The following ADAM8 variants were observed in gnomAD, a reference collection of about 807,000 sequenced individuals.
ADAM8 encodes the protein disintegrin and metalloproteinase domain-containing protein 8.
In ADAM8, 104 loss-of-function variants were observed where a neutral mutation model predicts 102.4. The ratio of observed to expected loss-of-function variants is 1.02; its 90% confidence interval spans 0.87 to 1.20. The LOEUF (loss-of-function observed/expected upper bound fraction) is 1.20, where lower values mean the gene tolerates loss of function less well. ADAM8 is among the 50% of genes most tolerant of loss of function. The pLI is 0.00. For synonymous variants in ADAM8, 517 were observed against 485.2 expected, an observed-to-expected ratio of 1.07 and a Z score of -0.86; for missense variants, 1,132 against 1,159.0, an observed-to-expected ratio of 0.98 and a Z score of 0.34.
intron 6 of ADAM8, 27 bp downstream of exon 6, chr10:133,273,227 C>A: frequency 6.3e-7 from 1 of 1,595,140 alleles, no homozygotes; most frequent in Non-Finnish European, 8.5e-7. Context: ...GCAGGGCCAG[C>A]CAAACACAGG....
At chr10:133,269,640 C>A in intron 17 of ADAM8, 111 bp from the exon 18 acceptor site, 1 of 1,148,230 alleles carries the variant, frequency 8.7e-7, no homozygotes, top group South Asian at 1.6e-5. Flanking sequence ...GAGGGCCCCT[C>A]GGTCCCTGCC....
At position 133,271,601 on chromosome 10, in the gene ADAM8, T is replaced by C. The variant is rs1846528716; in HGVS notation, c.1211A>G (p.His404Arg). 1 of 1,557,654 alleles carries C rather than the reference T, an allele frequency of 6.4e-7. No homozygotes were observed. Among genetic ancestry groups the C allele is most frequent in the African/African-American group, 1.4e-5 (1 of 73,930 alleles). Reference protein sequence around the residue: ...VCLANAPDLSHLVGGPVCGNL... With the variant: ...VCLANAPDLSRLVGGPVCGNL... ...CCCACACACGGGGCCGCCCACCAGG[T>C]GGCTGAGGTCAGGGGCGTTGGCGAG... Residue 404 changes from histidine to arginine, a missense_variant, in exon 12 of 23, where the codon CAC becomes CGC. Physicochemically the swap from His to Arg is conservative, Grantham distance 29. Transcript: ENST00000445355.
In ADAM8 at chr10:133,269,617, C is replaced by T; in HGVS notation, c.1864-88G>A. The T allele has an allele frequency of 4.5e-6, 6 of 1,334,292 alleles. No homozygotes were observed. In the South Asian group the frequency reaches 8.6e-5, roughly 19 times the overall value. 82.7% of individuals were successfully genotyped at this position (1,334,292 alleles called of 1,614,324 possible). Reference sequence around the variant, plus strand: ...TGCCTCCAGCATGAGGGCCCCGGGCCAGCCCCACCCCCGAGGGCCCCTCGG... The same window carrying T: ...TGCCTCCAGCATGAGGGCCCCGGGCTAGCCCCACCCCCGAGGGCCCCTCGG... On this transcript the variant is annotated intron_variant, in intron 17 of 22. Coordinates refer to ENST00000445355, the MANE Select transcript of ADAM8 (RefSeq NM_001109.5).
intron 19 of ADAM8, 140 bp downstream of exon 19, chr10:133,268,608 G>C (rs766755295): frequency 3.1e-4 from 288 of 937,206 alleles, no homozygotes; most frequent in Non-Finnish European, 4.3e-4. Context: ...GCCCAAGCCG[G>C]GGGGCGTCAT....
chr10:133,271,394 C>T (rs1846519852), intron 12 of ADAM8, 105 bp from the exon 13 acceptor site: 2 of 1,485,444 alleles, frequency 1.3e-6, no homozygotes, highest in Admixed American at 2.1e-5. Flanking sequence ...GCAGCCACTC[C>T]CTCCCTGTGA....
chr10:133,274,335 C>T (rs1308580321), intron 2 of ADAM8, 100 bp from the exon 3 acceptor site: 17 of 1,039,426 alleles, frequency 1.6e-5, no homozygotes, highest in South Asian at 1.7e-5. Flanking sequence ...GAAGGGGTGC[C>T]GGCCTCCAGC....
intron 10 of ADAM8, 34 bp downstream of exon 10, chr10:133,272,159 T>G: frequency 1.3e-6 from 2 of 1,546,352 alleles, no homozygotes; most frequent in Non-Finnish European, 1.7e-6. Flanking sequence ...AGCTCTGGCC[T>G]CGGCCTGGCA....
Position 133,269,106 on chromosome 10 carries a change from A to T in ADAM8, c.1949-244T>A, listed in dbSNP as rs1023156011. On this transcript the variant is annotated intron_variant, in intron 18 of 22. Coordinates refer to ENST00000445355, the MANE Select transcript of ADAM8 (RefSeq NM_001109.5). Reference sequence around the variant, plus strand: ...GTGCCTTTGAGGCCTGATGCTCTGGACGACCACATGCTCAGTGGCCGCCGG... The same window carrying T: ...GTGCCTTTGAGGCCTGATGCTCTGGTCGACCACATGCTCAGTGGCCGCCGG... 9 of 985,370 alleles carry T rather than the reference A, an allele frequency of 9.1e-6. No homozygotes were observed. In the African/African-American group the frequency reaches 1.6e-4, roughly 17 times the overall value. 61.0% of individuals were successfully genotyped at this position (985,370 alleles called of 1,614,324 possible). A position where few individuals can be genotyped will look rare whatever the true frequency, so the allele number is the denominator to read the frequency against.
chr10:133,272,871 G>A lies in ADAM8; in HGVS notation c.637-5C>T. On this transcript the variant is annotated splice_region_variant and splice_polypyrimidine_tract_variant and intron_variant, in intron 7 of 22. Transcript: ENST00000445355. The stretch of plus-strand genomic sequence containing the variant: ...TTCGCTCCCCAGCATCTGGAACTGG[G>A]GACACGAGACCCTCAGGCTGGAGCC... 1 of 1,611,392 alleles carries A rather than the reference G, an allele frequency of 6.2e-7. No individual in the cohort carries two copies. The highest frequency in any genetic ancestry group is 8.5e-7 in the Non-Finnish European group (1 of 1,178,860).
At chr10:133,270,257 A>G in intron 16 of ADAM8, 103 bp downstream of exon 16, 1 of 1,435,778 alleles carries the variant, frequency 7.0e-7, no homozygotes, top group Non-Finnish European at 9.4e-7. Context: ...CTCTGTTCCC[A>G]TGGCCTCGAG....
At position 133,273,038 on chromosome 10, in the gene ADAM8, A is replaced by G; in HGVS notation, c.574-19T>C. The G allele has an allele frequency of 6.2e-7, 1 of 1,612,738 alleles. No individual in the cohort carries two copies. Among genetic ancestry groups the G allele is most frequent in the Non-Finnish European group, 8.5e-7 (1 of 1,179,840 alleles). On this transcript the variant is annotated intron_variant, in intron 6 of 22. Transcript: ENST00000445355. ...GAGAGTCCTGGGGAACAGCCACAAG[A>G]AGCCAGTCAGCCTTCCCAGCGCCGG...
intron 21 of ADAM8, among the ~76,000 whole-genome samples, chr10:133,266,922 CA>C (rs1846339514): frequency 6.6e-6 from 1 of 152,166 alleles, no homozygotes. Flanking sequence ...GCCAGGGCTC[CA>C]GTGATTCGGG....
At chr10:133,266,798 C>T (rs1846334269) in intron 21 of ADAM8, among the ~76,000 whole-genome samples, 1 of 152,168 alleles carries the variant, frequency 6.6e-6, no homozygotes, top group South Asian at 2.1e-4. Flanking sequence ...CAATGAGCTG[C>T]CCCCACGGGG....
intron 21 of ADAM8, among the ~76,000 whole-genome samples, 166 bp downstream of exon 21, chr10:133,267,186 C>T (rs1846350539): frequency 6.6e-6 from 1 of 152,226 alleles, no homozygotes; most frequent in South Asian, 2.1e-4. Context: ...CCTCGCTGAC[C>T]TGCCTTTCTG....
intron 20 of ADAM8, 121 bp downstream of exon 20, chr10:133,267,808 C>T: frequency 9.5e-7 from 1 of 1,057,522 alleles, no homozygotes; most frequent in Non-Finnish European, 1.2e-6. Flanking sequence ...CTCGGGGCCA[C>T]CGCTGGCCTG....
At chr10:133,264,671 G>A (rs1285764433) in intron 21 of ADAM8, among the ~76,000 whole-genome samples, 1 of 150,642 alleles carries the variant, frequency 6.6e-6, no homozygotes, top group Non-Finnish European at 1.5e-5. Context: ...TGCCACGCCT[G>A]TTCCTGCTGC....
chr10:133,264,552 T>G (rs1350113897), intron 21 of ADAM8, among the ~76,000 whole-genome samples: 1 of 152,230 alleles, frequency 6.6e-6, no homozygotes, highest in African/African-American at 2.4e-5. Flanking sequence ...ATTTGCAGTT[T>G]TCAGCAGCTT....
chr10:133,272,186 C>T lies in ADAM8; in HGVS notation c.957+7G>A, dbSNP rs1380475107. 5.2e-6 allele frequency: 8 copies of T among 1,549,844 alleles called. No individual in the cohort carries two copies. Among genetic ancestry groups the T allele is most frequent in the Middle Eastern group, 3.3e-4 (2 of 6,008 alleles). ...GGCCTGGCAAACCCGGGCAGGAGCCCCCTCACCTGGTTCACAGCCCCTGAG... is the reference window on the plus strand; with the variant it reads ...GGCCTGGCAAACCCGGGCAGGAGCCTCCTCACCTGGTTCACAGCCCCTGAG... On this transcript the variant is annotated splice_region_variant and intron_variant, in intron 10 of 22. Coordinates refer to ENST00000445355, the MANE Select transcript of ADAM8 (RefSeq NM_001109.5).
At chr10:133,265,174 ACCTCCACGCCCAGCTC>A (rs1335757542) in intron 21 of ADAM8, among the ~76,000 whole-genome samples, 2 of 115,528 alleles carry the variant, frequency 1.7e-5, no homozygotes, top group Admixed American at 9.7e-5. Context: ...TGCCCCATCT[ACCTCCACGCCCAGCTC>A]CTGCTGCAGC....
Sources: gnomAD v4.1 joint callset for allele counts (sites outside exome capture counted in the v4.1 genomes callset) on GRCh38, gnomAD v4.1.1 for gene constraint, MANE v1.5 for transcripts, NCBI Gene and HGNC (gene_info 2026-07-23, HGNC 2026-07-21) for gene names.